The following FSCN1 variants were observed in gnomAD, a reference collection of about 807,000 sequenced individuals.
The protein encoded by FSCN1 is fascin.
FSCN1 carries 10 observed loss-of-function variants against 39.7 expected under a neutral mutation model. The ratio of observed to expected loss-of-function variants is 0.25; its 90% CI spans 0.16 to 0.43. The LOEUF (loss-of-function observed/expected upper bound fraction) is 0.43, where lower values mean the gene tolerates loss of function less well. Among genes scored for constraint, FSCN1 ranks in the 20% least tolerant of loss-of-function variants. The probability of loss-of-function intolerance (pLI) is 1.00; values close to 1 mark genes in which losing one functional copy is unlikely to be tolerated. For synonymous variants in FSCN1, 322 were observed against 320.0 expected (o/e 1.01, Z -0.07); for missense variants, 525 against 723.8 (o/e 0.73, Z 3.15).
Position 5,603,867 on chromosome 7 carries a change from C to T in FSCN1, c.1116C>T (p.Asp372=), listed in dbSNP as rs751162392. The T allele has an allele frequency of 3.1e-6, 5 of 1,613,238 alleles. No individual in the cohort carries two copies. Among genetic ancestry groups the T allele is most frequent in the African/African-American group, 1.3e-5 (1 of 75,050 alleles). Residue 372 remains aspartate, a synonymous_variant, in exon 4 of 5, where the codon GAC becomes GAT. Transcript: ENST00000382361. This position sits in a 1 kb window ranked among gnomAD's most constrained non-coding sequence, Gnocchi z 8.5. ...ACTCCCCTCTTTCTGGGACAGGGGA[C>T]TCAGAGCTCTTCCTCATGAAGCTCA... ...QLAASVETAG[D]SELFLMKLIN...
intron 1 of FSCN1, among the ~76,000 whole-genome samples, chr7:5,598,527 G>A (rs1241751255): frequency 6.6e-6 from 1 of 152,234 alleles, no homozygotes; most frequent in African/African-American, 2.4e-5. Context: ...GAGCCTCCCG[G>A]CTTCCTGCAT....
In FSCN1 at chr7:5,603,091, C is replaced by T; in HGVS notation, c.833-166C>T. On this transcript the variant is annotated intron_variant, in intron 1 of 4. Transcript: ENST00000382361. The surrounding 1 kb of genome is among the most constrained non-coding windows in gnomAD (Gnocchi z 8.5). ...CCTCTGACCGGCCCTGCCTGCGTTC[C>T]TGGGTGCTCTCTGCTGCTTCTCATG... is the stretch of plus-strand genomic sequence containing the variant. 1 of 708,838 alleles carries T rather than the reference C, an allele frequency of 1.4e-6. No individual in the cohort carries two copies. The highest frequency in any genetic ancestry group is 1.8e-5 in the South Asian group (1 of 56,744). 43.9% of individuals were successfully genotyped at this position (708,838 alleles called of 1,614,324 possible).
chr7:5,596,342 C>T (rs1785730404), intron 1 of FSCN1, among the ~76,000 whole-genome samples: 1 of 152,144 alleles, frequency 6.6e-6, no homozygotes, highest in Admixed American at 6.5e-5. Flanking sequence ...AGGGTGCTCC[C>T]CTTTGAAAAA....
intron 1 of FSCN1, among the ~76,000 whole-genome samples, chr7:5,594,251 TG>T (rs1785689014): frequency 6.6e-6 from 1 of 152,058 alleles, no homozygotes; most frequent in South Asian, 2.1e-4. Context: ...GCGGGCGAGA[TG>T]GGGGAGGTTA....
chr7:5,605,171 T>G lies in FSCN1; in HGVS notation c.1280-101T>G, dbSNP rs1584305608. ...TCATTCCGGAGCCGGGACTGGAGGG[T>G]GGGGCGTCACCCTTGGGAACACCCG... On this transcript the variant is annotated intron_variant, in intron 4 of 4. Transcript: ENST00000382361. This position sits in a 1 kb window ranked among gnomAD's most constrained non-coding sequence, Gnocchi z 6.9. 7.4e-6 allele frequency: 6 copies of G among 814,006 alleles called. No homozygotes were observed. The highest frequency in any genetic ancestry group is 3.4e-5 in the African/African-American group (2 of 58,578). 50.4% of individuals were successfully genotyped at this position (814,006 alleles called of 1,614,324 possible). A position where few individuals can be genotyped will look rare whatever the true frequency, so the allele number is the denominator to read the frequency against.
chr7:5,596,166 G>A (rs1204307988), intron 1 of FSCN1, among the ~76,000 whole-genome samples: 1 of 151,930 alleles, frequency 6.6e-6, no homozygotes, highest in East Asian at 1.9e-4. Flanking sequence ...CGTGGGGGGC[G>A]TGTCTGCAGA....
In FSCN1 at chr7:5,599,631, C is replaced by G. The variant is rs1465747432; in HGVS notation, c.833-3626C>G. ...GTTTGGGCAACATAGCGAGACCACC[C>G]CCATCTCTACAAAATAATGTTAAAG... On this transcript the variant is annotated intron_variant, in intron 1 of 4. Coordinates refer to ENST00000382361, the MANE Select transcript of FSCN1 (RefSeq NM_003088.4). This position sits in a 1 kb window ranked among gnomAD's most constrained non-coding sequence, Gnocchi z 5.6. Among the ~76,000 whole-genome samples, 3 of 151,922 alleles carry G rather than the reference C, an allele frequency of 2.0e-5. No individual in the cohort carries two copies.
chr7:5,594,113 T>G, intron 1 of FSCN1: 4 of 245,594 alleles, frequency 1.6e-5, no homozygotes, highest in Non-Finnish European at 2.9e-5. Flanking sequence ...GTCCCAGCTC[T>G]TGCGGAGTGG....
At chr7:5,595,890 A>G (rs184083324) in intron 1 of FSCN1, among the ~76,000 whole-genome samples, 9 of 152,290 alleles carry the variant, frequency 5.9e-5, no homozygotes, top group Admixed American at 1.3e-4. Context: ...GCCTGGGCAG[A>G]TAACTCCCCT....
intron 1 of FSCN1, among the ~76,000 whole-genome samples, chr7:5,595,839 G>A (rs1293209919): frequency 1.3e-5 from 2 of 152,200 alleles, no homozygotes; most frequent in African/African-American, 4.8e-5. Flanking sequence ...TTGGCCCTGG[G>A]GGCCAGGAAG....
At position 5,603,318 on chromosome 7, in the gene FSCN1, C is replaced by G; in HGVS notation, c.894C>G (p.Ile298Met). The change falls in exon 2 of 5, where the codon ATC becomes ATG. Residue 298 changes from isoleucine to methionine, a missense_variant. Physicochemically the swap from Ile to Met is conservative, Grantham distance 10. Transcript: ENST00000382361. The surrounding 1 kb of genome is among the most constrained non-coding windows in gnomAD (Gnocchi z 8.5). ...ETDQETFQLE[I>M]DRDTKKCAFR... is the part of the protein sequence containing the mutation. Reference sequence around the variant, plus strand: ...ACCAGGAGACCTTCCAGCTGGAGATCGACCGCGACACCAAAAAGTGTGCCT... The same window carrying G: ...ACCAGGAGACCTTCCAGCTGGAGATGGACCGCGACACCAAAAAGTGTGCCT... The G allele has an allele frequency of 1.9e-6, 3 of 1,613,416 alleles. No individual in the cohort carries two copies. Among genetic ancestry groups the G allele is most frequent in the Non-Finnish European group, 1.7e-6 (2 of 1,180,016 alleles).
At position 5,603,945 on chromosome 7, in the gene FSCN1, C is replaced by A. The variant is rs1785882847; in HGVS notation, c.1194C>A (p.Arg398=). ...GGGAGCATGGCTTCATCGGCTGCCG[C>A]AAGGTCACGGGCACCCTGGACGCCA... The part of the protein sequence containing the change: ...FRGEHGFIGC[R]KVTGTLDANR... The change falls in exon 4 of 5, where the codon CGC becomes CGA. Residue 398 remains arginine (R), a synonymous_variant. Transcript: ENST00000382361. This position sits in a 1 kb window ranked among gnomAD's most constrained non-coding sequence, Gnocchi z 8.5. 6.2e-7 allele frequency: 1 copy of A among 1,613,956 alleles called. No homozygotes were observed. Among genetic ancestry groups the A allele is most frequent in the African/African-American group, 1.3e-5 (1 of 74,944 alleles).
chr7:5,595,071 G>A (rs1339546879), intron 1 of FSCN1, among the ~76,000 whole-genome samples: 1 of 152,202 alleles, frequency 6.6e-6, no homozygotes, highest in Non-Finnish European at 1.5e-5. Context: ...TTTTTCCCTG[G>A]ATAGGAAGTC....
At position 5,592,845 on chromosome 7, in the gene FSCN1, C is replaced by A. The variant is rs1021131950; in HGVS notation, c.-92C>A. ...AGCGCTGCGGAGGGTGCGTGCGGGCCGCGGCAGCCGAACAAAGGAGCAGGG... is the reference window on the plus strand; with the variant it reads ...AGCGCTGCGGAGGGTGCGTGCGGGCAGCGGCAGCCGAACAAAGGAGCAGGG... On this transcript the variant is annotated 5_prime_UTR_variant, in exon 1 of 5. Coordinates refer to ENST00000382361, the MANE Select transcript of FSCN1 (RefSeq NM_003088.4). This position sits in a 1 kb window ranked among gnomAD's most constrained non-coding sequence, Gnocchi z 5.3. 6 of 729,708 alleles carry A rather than the reference C, an allele frequency of 8.2e-6. No homozygotes were observed. The African/African-American group carries it at 1.1e-4, about 13-fold the overall frequency. The allele number at this position is 729,708 out of a possible 1,614,324, so 45.2% of individuals were successfully genotyped here. A position where few individuals can be genotyped will look rare whatever the true frequency, so the allele number is the denominator to read the frequency against.
At chr7:5,595,437 C>T (rs1785712780) in intron 1 of FSCN1, among the ~76,000 whole-genome samples, 1 of 152,194 alleles carries the variant, frequency 6.6e-6, no homozygotes, top group Non-Finnish European at 1.5e-5. Flanking sequence ...AGGCATTGAG[C>T]CCTACTAAGG....
rs773741219 is a variant in FSCN1, at chr7:5,603,248, T to C, written c.833-9T>C. On this transcript the variant is annotated splice_polypyrimidine_tract_variant and intron_variant, in intron 1 of 4. Coordinates refer to ENST00000382361, the MANE Select transcript of FSCN1 (RefSeq NM_003088.4). The surrounding 1 kb of genome is among the most constrained non-coding windows in gnomAD (Gnocchi z 8.5). Reference sequence around the variant, plus strand: ...GCCCCAGTACCAGCCCAAGGCCTCCTCTCTGCAGGTATGGACCTGTCTGCC... The same window carrying C: ...GCCCCAGTACCAGCCCAAGGCCTCCCCTCTGCAGGTATGGACCTGTCTGCC... 81 of 1,611,436 alleles carry C rather than the reference T, an allele frequency of 5.0e-5. No individual in the cohort carries two copies. The highest frequency in any genetic ancestry group is 4.4e-4 in the Middle Eastern group (2 of 4,574).
Position 5,595,504 on chromosome 7 carries a change from G to A in FSCN1, c.832+1736G>A, listed in dbSNP as rs116351730. Among the ~76,000 whole-genome samples the A allele has an allele frequency of 4.8e-3, 734 of 152,290 alleles. 7 individuals are homozygous for A. Among genetic ancestry groups the A allele is most frequent in the African/African-American group, 0.017 (698 of 41,548 alleles). On this transcript the variant is annotated intron_variant, in intron 1 of 4. Coordinates refer to ENST00000382361, the MANE Select transcript of FSCN1 (RefSeq NM_003088.4). ...GTTCACGTTCTCTTGGGGACATTAC[G>A]AAGTGTCAAGGAAAAGGCAGCGGGT... is the stretch of plus-strand genomic sequence containing the variant.
chr7:5,601,334 C>A (rs1227281757), intron 1 of FSCN1, among the ~76,000 whole-genome samples: 1 of 150,908 alleles, frequency 6.6e-6, no homozygotes, highest in Non-Finnish European at 1.5e-5. Context: ...TTCCAAGTAG[C>A]TGGGATTACA....
chr7:5,602,849 C>T (rs1785859079), intron 1 of FSCN1: 7 of 215,644 alleles, frequency 3.2e-5, no homozygotes, highest in South Asian at 2.1e-4. Context: ...GTTTGCACCA[C>T]CACTCCCAGC....
Sources: allele counts gnomAD v4.1 joint callset (sites outside exome capture counted in the v4.1 genomes callset), GRCh38; gene constraint gnomAD v4.1.1; non-coding constraint Gnocchi (gnomAD v3.1); transcripts MANE v1.5; gene names NCBI Gene and HGNC (gene_info 2026-07-23, HGNC 2026-07-21).